The following CENPC variants were observed in gnomAD, a reference collection of about 807,000 sequenced individuals.
The protein encoded by CENPC is centromere protein C.
CENPC carries 63 observed loss-of-function variants against 112.1 expected under a neutral mutation model. The ratio of observed to expected loss-of-function variants is 0.56; its 90% confidence interval spans 0.46 to 0.69. The LOEUF is 0.69. Among genes scored for constraint, CENPC ranks in the 30% least tolerant of loss-of-function variants. The probability of loss-of-function intolerance (pLI) is 0.00; values close to 1 mark genes in which losing one functional copy is unlikely to be tolerated. For missense variants in CENPC, 1,000 were observed against 1,103.8 expected, an observed-to-expected ratio of 0.91 and a Z score of 1.33; for synonymous variants, 333 against 367.6, an observed-to-expected ratio of 0.91 and a Z score of 1.08.
intron 16 of CENPC, among the ~76,000 whole-genome samples, chr4:67,490,838 AT>A (rs1725230161): frequency 9.4e-4 from 3 of 3,204 alleles, no homozygotes; most frequent in East Asian, 0.022. Context: ...ATAGAAATAA[AT>A]ATATATATAT....
intron 17 of CENPC, among the ~76,000 whole-genome samples, chr4:67,477,014 T>C (rs769440088): frequency 6.6e-5 from 10 of 151,990 alleles, no homozygotes; most frequent in Non-Finnish European, 1.3e-4. Flanking sequence ...CACAAAAAGC[T>C]CAGCCCAAGG....
chr4:67,490,842 ATATATAT>A (rs1560422684), intron 16 of CENPC, among the ~76,000 whole-genome samples: 4 of 9,342 alleles, frequency 4.3e-4, no homozygotes, highest in South Asian at 0.015. Context: ...AAATAAATAT[ATATATAT>A]ATATATATAT....
Position 67,470,674 on chromosome 4 carries a change from G to C in CENPC, c.*1931C>G, listed in dbSNP as rs1724635933. 2 of 152,114 alleles carry C rather than the reference G, an allele frequency of 1.3e-5. No homozygotes were observed. Among genetic ancestry groups the C allele is most frequent in the Non-Finnish European group, 2.9e-5 (2 of 68,050 alleles). 9.4% of individuals were successfully genotyped at this position (152,114 alleles called of 1,614,324 possible). Reference sequence around the variant, plus strand: ...TGGAATCTGTGGCCTCCTTGAGTGAGGTCTCACCCACCCCTAGGTTGATTG... The same window carrying C: ...TGGAATCTGTGGCCTCCTTGAGTGACGTCTCACCCACCCCTAGGTTGATTG... On this transcript the variant is annotated 3_prime_UTR_variant, in exon 19 of 19. Transcript: ENST00000273853.
chr4:67,484,861 A>G (rs1725051083), intron 17 of CENPC, among the ~76,000 whole-genome samples: 1 of 152,208 alleles, frequency 6.6e-6, no homozygotes, highest in African/African-American at 2.4e-5. Flanking sequence ...TGGGAGGCCT[A>G]GGTGGGCGGA....
intron 7 of CENPC, among the ~76,000 whole-genome samples, chr4:67,515,481 A>AG (rs1201295594): frequency 4.6e-5 from 7 of 151,274 alleles, no homozygotes; most frequent in East Asian, 3.9e-4. Context: ...GAAAAAAAAA[A>AG]AGAGAGAGAG....
In CENPC at chr4:67,518,167, T is replaced by G; in HGVS notation, c.819A>C (p.Lys273Asn). 1 of 1,536,450 alleles carries G rather than the reference T, an allele frequency of 6.5e-7. No individual in the cohort carries two copies. The highest frequency in any genetic ancestry group is 8.8e-7 in the Non-Finnish European group (1 of 1,138,452). The change falls in exon 7 of 19, where the codon AAA becomes AAC. Residue 273 changes from lysine (K) to asparagine (N), a missense_variant. Coordinates refer to ENST00000273853, the MANE Select transcript of CENPC (RefSeq NM_001812.4). Reference sequence around the variant, plus strand: ...TCTTAATAACTCACCTGGATTCACTTTTTCGTTTTACTGTTTCTAAAAACA... The same window carrying G: ...TCTTAATAACTCACCTGGATTCACTGTTTCGTTTTACTGTTTCTAAAAACA... The part of the protein sequence containing the change: ...STLFLETVKR[K>N]SESSPIVRHA...
At chr4:67,531,560 C>T (rs1340450155) in intron 4 of CENPC, among the ~76,000 whole-genome samples, 1 of 152,212 alleles carries the variant, frequency 6.6e-6, no homozygotes, top group African/African-American at 2.4e-5. Flanking sequence ...CTGTGGTGAA[C>T]ATCTGCTTTC....
At chr4:67,482,624 A>G (rs551549964) in intron 17 of CENPC, among the ~76,000 whole-genome samples, 3 of 152,362 alleles carry the variant, frequency 2.0e-5, no homozygotes, top group African/African-American at 7.2e-5. Context: ...GGAGACCATC[A>G]TTCTAATAAA....
At chr4:67,535,135 C>T (rs1458721823) in intron 4 of CENPC, among the ~76,000 whole-genome samples, 1 of 151,780 alleles carries the variant, frequency 6.6e-6, no homozygotes. Context: ...AAAAGGGAGG[C>T]TTGATATGAA....
chr4:67,474,703 CA>C (rs372713883), intron 18 of CENPC, 184 bp downstream of exon 18: 111 of 527,206 alleles, frequency 2.1e-4, no homozygotes, highest in Middle Eastern at 5.5e-4. Context: ...GTCTCAAAAA[CA>C]AAAAAAAACC....
chr4:67,540,979 CT>C lies in CENPC; in HGVS notation c.136del (p.Ser46ValfsTer21). The C allele has an allele frequency of 6.2e-7, 1 of 1,601,070 alleles. No homozygotes were observed. Among genetic ancestry groups the C allele is most frequent in the Non-Finnish European group, 8.5e-7 (1 of 1,172,184 alleles). On this transcript the variant is annotated frameshift_variant and splice_region_variant, in exon 3 of 19. Coordinates refer to ENST00000273853, the MANE Select transcript of CENPC (RefSeq NM_001812.4). LOFTEE classifies it high-confidence loss of function. ...EILQDCFEEK[S>X]LANDFSTNST... is the part of the protein sequence containing the mutation. ...AATTCCATCTTGAAATGAAGCCTTACTTTTTTCTTCAAAACAGTCTTGTAAG... is the reference window on the plus strand; with the variant it reads ...AATTCCATCTTGAAATGAAGCCTTACTTTTTCTTCAAAACAGTCTTGTAAG...
At chr4:67,524,123 C>T (rs355499) in intron 5 of CENPC, among the ~76,000 whole-genome samples, 25,553 of 151,694 alleles carry the variant, frequency 0.17, 2,964 homozygotes, top group East Asian at 0.57. Flanking sequence ...AAAAAAACTA[C>T]AAAATGATAA....
intron 17 of CENPC, among the ~76,000 whole-genome samples, chr4:67,486,092 A>C (rs1403124051): frequency 6.6e-6 from 1 of 152,240 alleles, no homozygotes; most frequent in Non-Finnish European, 1.5e-5. Context: ...GTAATACTAA[A>C]AAGTATATAT....
Position 67,545,498 on chromosome 4 carries a change from A to G in CENPC, c.-143T>C. 1.3e-6 allele frequency: 1 copy of G among 767,304 alleles called. No homozygotes were observed. The highest frequency in any genetic ancestry group is 1.9e-6 in the Non-Finnish European group (1 of 538,366). 47.5% of individuals were successfully genotyped at this position (767,304 alleles called of 1,614,324 possible). A position where few individuals can be genotyped will look rare whatever the true frequency, so the allele number is the denominator to read the frequency against. ...CCTTAAGTCTCAGGCGACTGCCGCGAGAGCTGCGATCCGGAAGGCGCGCGC... is the reference window on the plus strand; with the variant it reads ...CCTTAAGTCTCAGGCGACTGCCGCGGGAGCTGCGATCCGGAAGGCGCGCGC... On this transcript the variant is annotated 5_prime_UTR_variant, in exon 1 of 19. Transcript: ENST00000273853.
intron 3 of CENPC, 82 bp downstream of exon 3, chr4:67,540,895 TTGC>T: frequency 1.1e-6 from 1 of 933,268 alleles, no homozygotes; most frequent in South Asian, 1.5e-5. Flanking sequence ...TAGAACATAT[TTGC>T]TGCATTTGAT....
At chr4:67,510,551 AG>A (rs1302612760) in intron 9 of CENPC, 1 of 153,878 alleles carries the variant, frequency 6.5e-6, no homozygotes, top group Non-Finnish European at 1.4e-5. Flanking sequence ...AAATTCAAGA[AG>A]GTACTCATTT....
Position 67,474,992 on chromosome 4 carries a change from A to C in CENPC, c.2671-14T>G. ...AACATAAAAAACCTGTAAAAATAAA[A>C]ATAAAAATCTCATTCAAAACTGAAC... On this transcript the variant is annotated splice_polypyrimidine_tract_variant and intron_variant, in intron 17 of 18. Coordinates refer to ENST00000273853, the MANE Select transcript of CENPC (RefSeq NM_001812.4). 7.2e-7 allele frequency: 1 copy of C among 1,394,906 alleles called. No individual in the cohort carries two copies. The highest frequency in any genetic ancestry group is 9.8e-7 in the Non-Finnish European group (1 of 1,020,662). 86.4% of individuals were successfully genotyped at this position (1,394,906 alleles called of 1,614,324 possible).
rs572149279 is a variant in CENPC at position 67,499,594 on chromosome 4, G to T, written c.2132-4382C>A. On this transcript the variant is annotated intron_variant, in intron 12 of 18. Coordinates refer to ENST00000273853, the MANE Select transcript of CENPC (RefSeq NM_001812.4). Reference sequence around the variant, plus strand: ...CTCTGGATTAGGCTTTGGCTTAAAGGAATGCTGTGGCTTGTTTAATCCTCT... The same window carrying T: ...CTCTGGATTAGGCTTTGGCTTAAAGTAATGCTGTGGCTTGTTTAATCCTCT... Among the ~76,000 whole-genome samples, 26 of 152,308 alleles carry T rather than the reference G, an allele frequency of 1.7e-4. 1 individual carries two copies. The South Asian group carries it at 5.0e-3, about 29-fold the overall frequency.
At position 67,544,035 on chromosome 4, in the gene CENPC, G is replaced by C. The variant is rs913743781; in HGVS notation, c.65+114C>G. ...AGTATAAGATGACTACCCTTAATCA[G>C]TGGGCACAGAAATCATTATATTAGT... On this transcript the variant is annotated intron_variant, in intron 2 of 18. Transcript: ENST00000273853. The C allele has an allele frequency of 1.4e-4, 94 of 656,402 alleles. 1 individual carries two copies. Among genetic ancestry groups the C allele is most frequent in the South Asian group, 6.1e-4 (36 of 59,402 alleles). 40.7% of individuals were successfully genotyped at this position (656,402 alleles called of 1,614,324 possible).
Sources: allele counts gnomAD v4.1 joint callset (sites outside exome capture counted in the v4.1 genomes callset), GRCh38; gene constraint gnomAD v4.1.1; transcripts MANE v1.5; gene names NCBI Gene and HGNC (gene_info 2026-07-23, HGNC 2026-07-21).